Variants in KCNIP1 observed in about 807,000 individuals in gnomAD.
KCNIP1 encodes the protein potassium voltage-gated channel interacting protein 1.
Under a neutral mutation model 33.0 loss-of-function variants are expected in KCNIP1, and 18 were observed. That is an observed-to-expected ratio of 0.55 (90% CI 0.38 to 0.81). KCNIP1 has a LOEUF of 0.81. KCNIP1 is among the 30% of genes least tolerant of loss of function. KCNIP1 has a pLI of 0.00. For synonymous variants in KCNIP1, 93 were observed against 98.3 expected (o/e 0.95, Z 0.32); for missense variants, 238 against 271.6 (o/e 0.88, Z 0.87).
intron 1 of KCNIP1, among the ~76,000 whole-genome samples, chr5:170,452,186 G>A (rs1304975613): frequency 6.6e-6 from 1 of 152,218 alleles, no homozygotes; most frequent in Non-Finnish European, 1.5e-5. Context: ...TGTGGTGCTT[G>A]CATCACCTCT....
intron 1 of KCNIP1, among the ~76,000 whole-genome samples, chr5:170,464,486 G>A (rs113073563): frequency 4.6e-5 from 7 of 152,268 alleles, no homozygotes; most frequent in Admixed American, 1.3e-4. Context: ...TCCTGATTTC[G>A]AATCTTACTT....
At chr5:170,464,737 T>A (rs922447953) in intron 1 of KCNIP1, among the ~76,000 whole-genome samples, 1 of 152,142 alleles carries the variant, frequency 6.6e-6, no homozygotes, top group African/African-American at 2.4e-5. Context: ...TACACCACTC[T>A]TGAGTTTCTT....
At chr5:170,362,936 T>C (rs146669837) in intron 1 of KCNIP1, among the ~76,000 whole-genome samples, 1 of 152,296 alleles carries the variant, frequency 6.6e-6, no homozygotes, top group East Asian at 1.9e-4. Context: ...ATGAAGCATA[T>C]TGGATTGCAG....
intron 1 of KCNIP1, among the ~76,000 whole-genome samples, chr5:170,576,724 C>T (rs944916452): frequency 3.9e-5 from 6 of 152,158 alleles, no homozygotes; most frequent in African/African-American, 4.8e-5. Flanking sequence ...AAAAATTAAC[C>T]TGGTACCTGT....
intron 1 of KCNIP1, among the ~76,000 whole-genome samples, chr5:170,603,904 A>ACT (rs147746894): frequency 0.32 from 48,379 of 152,076 alleles, 8,744 homozygotes; most frequent in Non-Finnish European, 0.42. Flanking sequence ...CAGGAAAACC[A>ACT]CTGTCTTCAC....
intron 1 of KCNIP1, among the ~76,000 whole-genome samples, chr5:170,567,088 G>A (rs4269297): frequency 0.35 from 53,641 of 152,124 alleles, 10,141 homozygotes; most frequent in Non-Finnish European, 0.42. Flanking sequence ...GGCCTGAAGT[G>A]CAGGGGAAGG....
intron 1 of KCNIP1, among the ~76,000 whole-genome samples, chr5:170,507,826 T>A (rs1754776096): frequency 6.6e-6 from 1 of 152,186 alleles, no homozygotes; most frequent in South Asian, 2.1e-4. Context: ...AATAAAAATA[T>A]TCAGGTTCAT....
At chr5:170,561,859 T>C in intron 1 of KCNIP1, among the ~76,000 whole-genome samples, 1 of 152,190 alleles carries the variant, frequency 6.6e-6, no homozygotes, top group East Asian at 1.9e-4. Flanking sequence ...CAAATTACCA[T>C]GGGGCTACCT....
chr5:170,358,463 A>G (rs1361986405), intron 1 of KCNIP1, among the ~76,000 whole-genome samples: 1 of 152,028 alleles, frequency 6.6e-6, no homozygotes, highest in Non-Finnish European at 1.5e-5. Flanking sequence ...CTGACCTTGG[A>G]CCCGGGCATG....
intron 1 of KCNIP1, among the ~76,000 whole-genome samples, chr5:170,625,894 CAAGACAG>C (rs1759801397): frequency 6.6e-6 from 1 of 152,182 alleles, no homozygotes; most frequent in African/African-American, 2.4e-5. Context: ...GAGACTGCGA[CAAGACAG>C]AGCCACTGAG....
At chr5:170,392,280 CAG>C (rs1754621772) in intron 1 of KCNIP1, among the ~76,000 whole-genome samples, 1 of 152,196 alleles carries the variant, frequency 6.6e-6, no homozygotes, top group Non-Finnish European at 1.5e-5. Flanking sequence ...GAATGTGGAG[CAG>C]AGACAGCCCA....
chr5:170,368,154 G>T (rs2113302030), intron 1 of KCNIP1, among the ~76,000 whole-genome samples: 1 of 152,338 alleles, frequency 6.6e-6, no homozygotes, highest in Middle Eastern at 3.4e-3. Context: ...TCCAGTCTGT[G>T]GGAATAGATG....
chr5:170,390,253 C>T (rs1308803091), intron 1 of KCNIP1, among the ~76,000 whole-genome samples: 1 of 152,064 alleles, frequency 6.6e-6, no homozygotes, highest in African/African-American at 2.4e-5. Context: ...CGCCCATAAT[C>T]CCAGCACTTT....
At chr5:170,414,063 A>G (rs1561614092) in intron 1 of KCNIP1, among the ~76,000 whole-genome samples, 1 of 152,158 alleles carries the variant, frequency 6.6e-6, no homozygotes. Context: ...GAGTGTCAGG[A>G]GCCCTGCCTT....
intron 1 of KCNIP1, among the ~76,000 whole-genome samples, chr5:170,436,751 G>A (rs1240123806): frequency 6.6e-6 from 1 of 152,124 alleles, no homozygotes; most frequent in Non-Finnish European, 1.5e-5. Context: ...TTGACCAGAG[G>A]CCCAGTCTAG....
chr5:170,722,538 A>G (rs1377713898), intron 4 of KCNIP1, among the ~76,000 whole-genome samples, 175 bp from the exon 5 acceptor site: 1 of 151,980 alleles, frequency 6.6e-6, no homozygotes, highest in Admixed American at 6.6e-5. Context: ...AAAATGGGGC[A>G]GGGTAGGGAA....
At chr5:170,503,467 C>CCAA (rs1255033446), upstream of KCNIP1, among the ~76,000 whole-genome samples, 2 of 151,928 alleles carry the variant, frequency 1.3e-5, no homozygotes, top group African/African-American at 4.8e-5. Flanking sequence ...TTTCTCCTCC[C>CCAA]CAACTCCCTG....
chr5:170,435,273 C>T (rs1250825507), intron 1 of KCNIP1, among the ~76,000 whole-genome samples: 1 of 152,222 alleles, frequency 6.6e-6, no homozygotes, highest in Admixed American at 6.5e-5. Context: ...TACTTCTTTG[C>T]AGGCCGGAGA....
chr5:170,580,515 C>A (rs1757750894), intron 1 of KCNIP1, among the ~76,000 whole-genome samples: 1 of 152,130 alleles, frequency 6.6e-6, no homozygotes. Context: ...GGAGCCAGAC[C>A]CTCAACCCCC....
Sources: allele counts gnomAD v4.1 joint callset (sites outside exome capture counted in the v4.1 genomes callset), GRCh38; gene constraint gnomAD v4.1.1; transcripts MANE v1.5; gene names NCBI Gene and HGNC (gene_info 2026-07-23, HGNC 2026-07-21).